FBLN7: variants seen among roughly 807,000 people sequenced by gnomAD.
FBLN7 encodes fibulin-7.
In FBLN7, 31 loss-of-function variants were observed where a neutral mutation model predicts 44.0. That is an observed-to-expected ratio of 0.70 (90% CI 0.53 to 0.95). The LOEUF (loss-of-function observed/expected upper bound fraction) is 0.95, where lower values mean the gene tolerates loss of function less well. Among genes scored for constraint, FBLN7 ranks in the 40% least tolerant of loss-of-function variants. The probability of loss-of-function intolerance (pLI) is 0.00; values close to 1 mark genes in which losing one functional copy is unlikely to be tolerated. For missense variants in FBLN7, 573 were observed against 618.5 expected, an observed-to-expected ratio of 0.93 and a Z score of 0.78; for synonymous variants, 262 against 253.4, an observed-to-expected ratio of 1.03 and a Z score of -0.32.
In FBLN7 at chr2:112,187,717, T is replaced by A. The variant is rs1038577178; in HGVS notation, c.*211T>A. ...ACTGCTGCCATCACTCTTTTTTTTT[T>A]TCTGCTTTGAGGCCCTTCCCTTAGA... On this transcript the variant is annotated 3_prime_UTR_variant, in exon 8 of 8. Coordinates refer to ENST00000331203, the MANE Select transcript of FBLN7 (RefSeq NM_153214.3). The surrounding 1 kb of genome is among the most constrained non-coding windows in gnomAD (Gnocchi z 5.1). 1.6e-6 allele frequency: 1 copy of A among 625,152 alleles called. No homozygotes were observed. Among genetic ancestry groups the A allele is most frequent in the Non-Finnish European group, 2.7e-6 (1 of 370,178 alleles). The allele number at this position is 625,152 out of a possible 1,614,324, so 38.7% of individuals were successfully genotyped here. A position where few individuals can be genotyped will look rare whatever the true frequency, so the allele number is the denominator to read the frequency against.
chr2:112,175,851 C>T lies in FBLN7; in HGVS notation c.532+12C>T. The T allele has an allele frequency of 6.2e-7, 1 of 1,613,216 alleles. No individual in the cohort carries two copies. Among genetic ancestry groups the T allele is most frequent in the South Asian group, 1.1e-5 (1 of 90,958 alleles). ...TCAGGCCCAGACTGGTATGTAGCCACCATGGGGTTAGGTGAGGACATCCTG... is the reference window on the plus strand; with the variant it reads ...TCAGGCCCAGACTGGTATGTAGCCATCATGGGGTTAGGTGAGGACATCCTG... On this transcript the variant is annotated intron_variant, in intron 4 of 7. Coordinates refer to ENST00000331203, the MANE Select transcript of FBLN7 (RefSeq NM_153214.3).
the FBLN7 span, chr2:112,215,188 G>C: frequency 6.6e-6 from 1 of 152,114 alleles, no homozygotes; most frequent in Non-Finnish European, 1.5e-5. Context: ...AAAAAATTAA[G>C]CATTCCTATT....
At chr2:112,158,898 T>G (rs1267188774) in intron 1 of FBLN7, among the ~76,000 whole-genome samples, 1 of 152,174 alleles carries the variant, frequency 6.6e-6, no homozygotes, top group African/African-American at 2.4e-5. Flanking sequence ...AATTTTAGCA[T>G]TAAGTAGAAT....
At chr2:112,238,656 A>G in the FBLN7 span, 2 of 661,894 alleles carry the variant, frequency 3.0e-6, no homozygotes. Context: ...CATGGGATTC[A>G]TATACTATTC....
the FBLN7 span, among the ~76,000 whole-genome samples, chr2:112,241,021 G>A: frequency 6.6e-6 from 1 of 151,416 alleles, no homozygotes; most frequent in East Asian, 1.9e-4. Context: ...GTGTGTGTGT[G>A]TGTGTGTGTA....
chr2:112,178,394 C>A (rs546653055), intron 4 of FBLN7, among the ~76,000 whole-genome samples: 1 of 152,004 alleles, frequency 6.6e-6, no homozygotes, highest in Non-Finnish European at 1.5e-5. Flanking sequence ...CAGGACCTGA[C>A]GGATTCACAG....
At chr2:112,163,141 G>A (rs907598371) in intron 2 of FBLN7, among the ~76,000 whole-genome samples, 6 of 152,114 alleles carry the variant, frequency 3.9e-5, no homozygotes, top group South Asian at 4.1e-4. Context: ...ACCTCCCTCC[G>A]CCCCAGCTCA....
chr2:112,233,218 G>T, the FBLN7 span: 2 of 1,252,096 alleles, frequency 1.6e-6, no homozygotes, highest in Non-Finnish European at 2.2e-6. Context: ...AAATGTTCAT[G>T]TAAATATTTA....
At chr2:112,153,013 C>T (rs185670672) in intron 1 of FBLN7, 55 of 152,228 alleles carry the variant, frequency 3.6e-4, no homozygotes, top group African/African-American at 1.2e-3. Context: ...AGAGTTCTGA[C>T]TAATCCAAAG....
At chr2:112,184,184 C>T (rs1558896689) in intron 6 of FBLN7, among the ~76,000 whole-genome samples, 3 of 152,172 alleles carry the variant, frequency 2.0e-5, no homozygotes, top group Non-Finnish European at 2.9e-5. Context: ...ACAGGCCCAC[C>T]TCCCCAGCTG....
the FBLN7 span, among the ~76,000 whole-genome samples, chr2:112,206,054 T>C: frequency 6.6e-6 from 1 of 152,206 alleles, no homozygotes; most frequent in Admixed American, 6.5e-5. Context: ...TCTTCAATAG[T>C]TACAAGGACT....
chr2:112,198,523 A>G, the FBLN7 span, among the ~76,000 whole-genome samples: 1 of 151,976 alleles, frequency 6.6e-6, no homozygotes, highest in East Asian at 1.9e-4. Flanking sequence ...CTGTAATCCC[A>G]CTACTTGGGA....
chr2:112,229,927 CT>C, the FBLN7 span, among the ~76,000 whole-genome samples: 1 of 150,810 alleles, frequency 6.6e-6, no homozygotes, highest in African/African-American at 2.4e-5. Flanking sequence ...AGTAATTCTA[CT>C]CACTGAGATG....
chr2:112,243,017 A>C, the FBLN7 span, among the ~76,000 whole-genome samples: 1 of 152,350 alleles, frequency 6.6e-6, no homozygotes, highest in East Asian at 1.9e-4. Context: ...CAGCTGCTCA[A>C]AGATATGAGG....
the FBLN7 span, among the ~76,000 whole-genome samples, chr2:112,232,446 T>TTTC: frequency 5.3e-5 from 8 of 152,176 alleles, no homozygotes; most frequent in Admixed American, 5.2e-4. Flanking sequence ...GTAAATCAAG[T>TTTC]TTCTTGGCTA....
At chr2:112,207,502 G>T in the FBLN7 span, among the ~76,000 whole-genome samples, 17 of 150,508 alleles carry the variant, frequency 1.1e-4, no homozygotes, top group African/African-American at 4.1e-4. Flanking sequence ...TTCTACTCTT[G>T]TTTGAGGTAT....
chr2:112,185,584 A>T (rs1013175557), intron 7 of FBLN7, among the ~76,000 whole-genome samples: 1 of 152,140 alleles, frequency 6.6e-6, no homozygotes, highest in African/African-American at 2.4e-5. Flanking sequence ...CCCCCACTAC[A>T]TAGAGGTTGA....
At chr2:112,235,011 G>A in the FBLN7 span, among the ~76,000 whole-genome samples, 1 of 151,800 alleles carries the variant, frequency 6.6e-6, no homozygotes, top group Non-Finnish European at 1.5e-5. Context: ...GAAATACACC[G>A]TCAAAGATGG....
At chr2:112,152,092 G>T (rs1351065907) in intron 1 of FBLN7, 1 of 152,264 alleles carries the variant, frequency 6.6e-6, no homozygotes, top group African/African-American at 2.4e-5. Context: ...TGTGAAGTGA[G>T]AGGATGAATG....
Sources: allele counts gnomAD v4.1 joint callset (sites outside exome capture counted in the v4.1 genomes callset), GRCh38; gene constraint gnomAD v4.1.1; non-coding constraint Gnocchi (gnomAD v3.1); transcripts MANE v1.5; gene names NCBI Gene and HGNC (gene_info 2026-07-23, HGNC 2026-07-21).